PCSK7: variants seen among roughly 807,000 people sequenced by gnomAD.
PCSK7 encodes the protein lymphoma proprotein convertase.
A neutral mutation model predicts 73.3 loss-of-function variants in PCSK7; 38 were observed. That is an observed-to-expected ratio of 0.52 (90% CI 0.40 to 0.68). The LOEUF is 0.68. Ranked by LOEUF, PCSK7 falls within the 30% of genes least tolerant of loss-of-function variation. The pLI is 0.00. For missense variants in PCSK7, 692 were observed against 991.5 expected (o/e 0.70, Z 4.06); for synonymous variants, 296 against 383.8 (o/e 0.77, Z 2.68).
chr11:117,215,380 G>GTGTGTGTGTGTGTGTGTGTGTGTGTA (rs1164738557), intron 12 of PCSK7: 2 of 55,900 alleles, frequency 3.6e-5, no homozygotes, highest in African/African-American at 2.4e-4. Context: ...GTGTGTGTGT[G>GTGTGTGTGTGTGTGTGTGTGTGTGTA]TATATATATA....
At position 117,227,269 on chromosome 11, in the gene PCSK7, G is replaced by C. The variant is rs1316343959; in HGVS notation, c.657C>G (p.His219Gln). 7.4e-6 allele frequency: 12 copies of C among 1,613,780 alleles called. No individual in the cohort carries two copies. Among genetic ancestry groups the C allele is most frequent in the Non-Finnish European group, 1.0e-5 (12 of 1,179,692 alleles). The part of the protein sequence containing the change: ...LNSNDPDPMP[H>Q]PDVENGNHHG... The stretch of plus-strand genomic sequence containing the variant: ...GGTGGTTGCCATTCTCCACATCCGG[G>C]TGGGGCATGGGGTCAGGGTCATTAG... Residue 219 changes from histidine to glutamine, a missense_variant, in exon 5 of 17, where the codon CAC becomes CAG. Transcript: ENST00000320934.
In PCSK7 at chr11:117,224,278, C is replaced by A. The variant is rs1218065090; in HGVS notation, c.916-62G>T. 10 of 1,544,660 alleles carry A rather than the reference C, an allele frequency of 6.5e-6. No individual in the cohort carries two copies. The East Asian group carries it at 2.3e-4, about 35-fold the overall frequency. ...CCCACAGAAAGACCTCCGCCTACCA[C>A]ATCAGTCACCCTCTCCACCCCTTCT... On this transcript the variant is annotated intron_variant, in intron 7 of 16. Transcript: ENST00000320934.
intron 12 of PCSK7, chr11:117,211,763 T>A (rs2031738531): frequency 6.6e-6 from 1 of 152,268 alleles, no homozygotes; most frequent in Non-Finnish European, 1.5e-5. Context: ...CTTCACTTCC[T>A]GCCACCTACC....
Position 117,205,074 on chromosome 11 carries a change from G to C in PCSK7, c.*923C>G, listed in dbSNP as rs2031289261. 2 of 221,022 alleles carry C rather than the reference G, an allele frequency of 9.0e-6. No homozygotes were observed. The highest frequency in any genetic ancestry group is 1.8e-5 in the Non-Finnish European group (2 of 110,152). 13.7% of individuals were successfully genotyped at this position (221,022 alleles called of 1,614,324 possible). ...AGGAGAGATTGCGAGTGGCAGAATT[G>C]TTTGGAAGGTTTTTATTTTGGAAAA... is the stretch of plus-strand genomic sequence containing the variant. On this transcript the variant is annotated 3_prime_UTR_variant, in exon 17 of 17. Transcript: ENST00000320934.
Position 117,204,794 on chromosome 11 carries a change from G to T in PCSK7, c.*1203C>A. 1 of 311,626 alleles carries T rather than the reference G, an allele frequency of 3.2e-6. No homozygotes were observed. The highest frequency in any genetic ancestry group is 3.5e-5 in the South Asian group (1 of 28,264). The allele number at this position is 311,626 out of a possible 1,614,324, so 19.3% of individuals were successfully genotyped here. On this transcript the variant is annotated 3_prime_UTR_variant, in exon 17 of 17. Transcript: ENST00000320934. ...AAAAAAAAAATCAATCTTTTCTCAG[G>T]CCTGGCTGGCAGAGTTTGATTTGCC...
At chr11:117,213,976 T>TTTTTTTTTTTTTTTTTCTTG (rs36106425) in intron 12 of PCSK7, 1 of 131,358 alleles carries the variant, frequency 7.6e-6, no homozygotes, top group African/African-American at 3.2e-5. Flanking sequence ...TTTTTTTTTT[T>TTTTTTTTTTTTTTTTTCTTG]AGACGGAGTC....
In PCSK7 at chr11:117,226,693, G is replaced by A. The variant is rs556758760; in HGVS notation, c.769+464C>T. The A allele has an allele frequency of 5.0e-5, 8 of 160,670 alleles. No homozygotes were observed. In the South Asian group the frequency reaches 1.5e-3, roughly 29 times the overall value. The allele number at this position is 160,670 out of a possible 1,614,324, so 10.0% of individuals were successfully genotyped here. Reference sequence around the variant, plus strand: ...CAAGCACATAAGGAGTTATGGTGAGGGCTTCCCCATTCATTCCCTTCACCT... The same window carrying A: ...CAAGCACATAAGGAGTTATGGTGAGAGCTTCCCCATTCATTCCCTTCACCT... On this transcript the variant is annotated intron_variant, in intron 5 of 16. Coordinates refer to ENST00000320934, the MANE Select transcript of PCSK7 (RefSeq NM_004716.4).
rs575634648 is a variant in PCSK7 at position 117,205,862 on chromosome 11, A to C, written c.*135T>G. On this transcript the variant is annotated 3_prime_UTR_variant, in exon 17 of 17. Coordinates refer to ENST00000320934, the MANE Select transcript of PCSK7 (RefSeq NM_004716.4). Reference sequence around the variant, plus strand: ...AGCAATCCTCCACCATTTGTATCTTAAGAAGGCCCTCACCCTCTTTGAGTG... The same window carrying C: ...AGCAATCCTCCACCATTTGTATCTTCAGAAGGCCCTCACCCTCTTTGAGTG... 46 of 637,144 alleles carry C rather than the reference A, an allele frequency of 7.2e-5. No individual in the cohort carries two copies. The Admixed American group carries it at 1.2e-3, about 17-fold the overall frequency. 39.5% of individuals were successfully genotyped at this position (637,144 alleles called of 1,614,324 possible).
rs992600522 is a variant in PCSK7 at position 117,229,789 on chromosome 11, G to T, written c.56C>A (p.Thr19Asn). 3.1e-6 allele frequency: 5 copies of T among 1,610,328 alleles called. No homozygotes were observed. Among genetic ancestry groups the T allele is most frequent in the South Asian group, 2.2e-5 (2 of 90,628 alleles). Residue 19 changes from threonine (T) to asparagine (N), a missense_variant, in exon 3 of 17, where the codon ACC becomes AAC. Physicochemically the swap from Thr to Asn is moderately conservative, Grantham distance 65. Transcript: ENST00000320934. ...PHLDAPLGLP[T>N]CLWLELAGLF... ...CCCGGCTAATTCCAGCCAGAGGCAG[G>T]TGGGCAGGCCCAGGGGGGCATCCAA...
intron 6 of PCSK7, 143 bp from the exon 7 acceptor site, chr11:117,224,898 A>T: frequency 1.4e-6 from 1 of 696,802 alleles, no homozygotes; most frequent in African/African-American, 1.8e-5. Context: ...TTCCGTGATT[A>T]AAAGGCACAG....
intron 3 of PCSK7, 109 bp from the exon 4 acceptor site, chr11:117,228,459 A>G (rs545274135): frequency 1.1e-6 from 1 of 933,978 alleles, no homozygotes; most frequent in East Asian, 2.6e-5. Context: ...AAAGAGCCAG[A>G]CAGATTGCAG....
At chr11:117,225,609 G>A (rs1328313782) in intron 6 of PCSK7, 2 of 363,828 alleles carry the variant, frequency 5.5e-6, no homozygotes, top group South Asian at 4.0e-5. Context: ...GTGGGGTGGG[G>A]GATTGGTGTT....
Position 117,228,350 on chromosome 11 carries a change from T to A in PCSK7, c.469A>T (p.Asn157Tyr). The change falls in exon 4 of 17, where the codon AAT (asparagine) becomes TAT (tyrosine). Residue 157 changes from asparagine (N) to tyrosine (Y), a missense_variant and splice_region_variant. Asn to Tyr is a moderately radical substitution (Grantham distance 143). Transcript: ENST00000320934. ...DPKYPQQWHL[N>Y]NRRSPGRDIN... ...TCCCTGCCCGGGCTCCGTCGGTTAT[T>A]CTGTAAGAGAGACAGGATGGGAATA... 1 of 1,613,896 alleles carries A rather than the reference T, an allele frequency of 6.2e-7. No homozygotes were observed. The highest frequency in any genetic ancestry group is 8.5e-7 in the Non-Finnish European group (1 of 1,179,804).
At chr11:117,229,884 G>T (rs780332633) in intron 2 of PCSK7, 28 bp from the exon 3 acceptor site, 2 of 1,296,700 alleles carry the variant, frequency 1.5e-6, no homozygotes, top group Non-Finnish European at 2.1e-6. Flanking sequence ...GGATATGGAA[G>T]AGATCAAAGA....
intron 1 of PCSK7, among the ~76,000 whole-genome samples, chr11:117,230,885 G>T (rs899284254): frequency 3.3e-5 from 5 of 152,038 alleles, no homozygotes; most frequent in African/African-American, 4.8e-5. Flanking sequence ...AACAGAACAG[G>T]CACCAAGGAC....
At chr11:117,219,524 G>A in intron 10 of PCSK7, 67 bp downstream of exon 10, 1 of 1,451,440 alleles carries the variant, frequency 6.9e-7, no homozygotes, top group Admixed American at 2.1e-5. Context: ...GAGAATCTAA[G>A]GCCACCTGAT....
chr11:117,228,900 G>A (rs1340798365), intron 3 of PCSK7, among the ~76,000 whole-genome samples: 3 of 152,188 alleles, frequency 2.0e-5, no homozygotes, highest in Admixed American at 6.5e-5. Flanking sequence ...GATTACAGGC[G>A]TGAGCCACCG....
Position 117,219,734 on chromosome 11 carries a change from T to C in PCSK7, c.1180A>G (p.Lys394Glu), listed in dbSNP as rs139203235. 3 of 1,587,526 alleles carry C rather than the reference T, an allele frequency of 1.9e-6. No individual in the cohort carries two copies. In the Admixed American group the frequency reaches 5.6e-5, roughly 30 times the overall value. ...TGGCCCTCAGTGCAGCCAGTGCCCT[T>C]CTGAAGGTCCCAGTCAGTGGTCACC... is the stretch of plus-strand genomic sequence containing the variant. ...SIVTTDWDLQ[K>E]GTGCTEGHTG... Residue 394 changes from lysine (K) to glutamate (E), a missense_variant, in exon 10 of 17, where the codon AAG becomes GAG. By Grantham distance (56) the Lys-to-Glu change is moderately conservative (BLOSUM62 1). Around this residue, in one of 6 missense-constraint regions of PCSK7, gnomAD observed 574 missense variants for 689.8 expected, o/e 0.83. Transcript: ENST00000320934.
intron 12 of PCSK7, chr11:117,215,364 T>TTTTTTTTTTTTTGTGTGTGTGTGTGTGTG (rs57433360): frequency 5.9e-5 from 5 of 84,918 alleles, no homozygotes; most frequent in Non-Finnish European, 5.9e-5. Context: ...CCTGGCTAAT[T>TTTTTTTTTTTTTGTGTGTGTGTGTGTGTG]TGTGTGTGTG....
Sources: allele counts gnomAD v4.1 joint callset (sites outside exome capture counted in the v4.1 genomes callset), GRCh38; gene constraint gnomAD v4.1.1; regional missense constraint gnomAD v4.1.1; transcripts MANE v1.5; gene names NCBI Gene and HGNC (gene_info 2026-07-23, HGNC 2026-07-21).